Variants in ALLC observed in about 807,000 individuals in gnomAD.
ALLC encodes the protein probable inactive allantoicase.
A neutral mutation model predicts 45.0 loss-of-function variants in ALLC; 40 were observed. That is an observed-to-expected ratio of 0.89 (90% confidence interval 0.69 to 1.16). The LOEUF (loss-of-function observed/expected upper bound fraction) is 1.16. Among genes scored for constraint, ALLC ranks in the 50% most tolerant of loss-of-function variants. The pLI is 0.00. For synonymous variants in ALLC, 176 were observed against 178.1 expected (o/e 0.99, Z 0.09); for missense variants, 488 against 493.1 (o/e 0.99, Z 0.10).
intron 1 of ALLC, among the ~76,000 whole-genome samples, chr2:3,664,337 C>T (rs1410081869): frequency 6.6e-6 from 1 of 152,164 alleles, no homozygotes; most frequent in Non-Finnish European, 1.5e-5. Flanking sequence ...GCGTTTATCT[C>T]AAGGTAACAC....
intron 7 of ALLC, among the ~76,000 whole-genome samples, chr2:3,694,148 G>T (rs976443333): frequency 6.6e-6 from 1 of 152,238 alleles, no homozygotes; most frequent in Non-Finnish European, 1.5e-5. Flanking sequence ...TTCACGAGTT[G>T]AGGGAGGGTC....
chr2:3,699,308 T>C (rs1041482240), intron 10 of ALLC, among the ~76,000 whole-genome samples: 3 of 152,214 alleles, frequency 2.0e-5, no homozygotes, highest in Non-Finnish European at 4.4e-5. Context: ...TCCAGCTGCA[T>C]CCATGTTGCT....
At chr2:3,682,746 C>G (rs545864745) in intron 6 of ALLC, among the ~76,000 whole-genome samples, 196 bp from the exon 7 acceptor site, 2 of 152,244 alleles carry the variant, frequency 1.3e-5, no homozygotes, top group East Asian at 1.9e-4. Context: ...AGGATGGTCT[C>G]GATCTCCTGA....
chr2:3,702,461 G>A lies in ALLC; in HGVS notation c.1074G>A (p.Val358=), dbSNP rs1425978925. The change falls in exon 12 of 12, where the codon GTG becomes GTA. Residue 358 remains valine, a synonymous_variant. Transcript: ENST00000252505. Reference sequence around the variant, plus strand: ...TCACCATCGTCCCCGACGGGGGAGTGAGCCGCCTTCGGCTCCGGGGCTTCC... The same window carrying A: ...TCACCATCGTCCCCGACGGGGGAGTAAGCCGCCTTCGGCTCCGGGGCTTCC... ...ARLTIVPDGG[V]SRLRLRGFPS... 1.2e-6 allele frequency: 2 copies of A among 1,612,578 alleles called. No individual in the cohort carries two copies. Among genetic ancestry groups the A allele is most frequent in the Admixed American group, 3.3e-5 (2 of 59,950 alleles).
At chr2:3,684,699 C>T (rs1013012746) in intron 7 of ALLC, among the ~76,000 whole-genome samples, 3 of 152,156 alleles carry the variant, frequency 2.0e-5, no homozygotes, top group Non-Finnish European at 4.4e-5. Flanking sequence ...TGGTCTCCAA[C>T]TCCATCCAGG....
At chr2:3,653,059 T>G in the ALLC span, among the ~76,000 whole-genome samples, 1 of 152,256 alleles carries the variant, frequency 6.6e-6, no homozygotes, top group Non-Finnish European at 1.5e-5. The surrounding 1 kb of genome is among the most constrained non-coding windows in gnomAD (Gnocchi z 4.1). Flanking sequence ...GAGGCCTGTC[T>G]GCAGCCTGCA....
intron 7 of ALLC, among the ~76,000 whole-genome samples, chr2:3,684,040 T>C (rs1667264593): frequency 1.3e-5 from 2 of 152,260 alleles, no homozygotes; most frequent in African/African-American, 4.8e-5. Flanking sequence ...TTTTGAACAA[T>C]GCTGCTGTAA....
At chr2:3,683,199 G>A (rs987183305) in intron 7 of ALLC, 125 bp downstream of exon 7, 12 of 1,098,970 alleles carry the variant, frequency 1.1e-5, no homozygotes, top group Non-Finnish European at 1.5e-5. Flanking sequence ...TTTCAGGATT[G>A]TAATTTCTCC....
At chr2:3,667,834 G>C (rs1254717041) in intron 1 of ALLC, among the ~76,000 whole-genome samples, 1 of 152,144 alleles carries the variant, frequency 6.6e-6, no homozygotes, top group African/African-American at 2.4e-5. Context: ...GCACAATCTC[G>C]GCTCACCGCA....
chr2:3,653,656 G>C (rs1004018833), upstream of ALLC, among the ~76,000 whole-genome samples: 2 of 151,758 alleles, frequency 1.3e-5, no homozygotes, highest in African/African-American at 4.8e-5. This position sits in a 1 kb window ranked among gnomAD's most constrained non-coding sequence, Gnocchi z 4.1. Context: ...GTACCACGAG[G>C]GTGCTGCCAG....
chr2:3,681,777 T>G, intron 6 of ALLC, 64 bp downstream of exon 6: 1 of 1,322,596 alleles, frequency 7.6e-7, no homozygotes, highest in Middle Eastern at 1.9e-4. Flanking sequence ...GAAACTGCTC[T>G]GCACACCTGG....
intron 9 of ALLC, among the ~76,000 whole-genome samples, chr2:3,696,680 T>C (rs1667682002): frequency 6.6e-6 from 1 of 152,192 alleles, no homozygotes; most frequent in African/African-American, 2.4e-5. Flanking sequence ...GAACCACTAG[T>C]TTAGCAATGT....
At chr2:3,647,059 C>G in the ALLC span, among the ~76,000 whole-genome samples, 2 of 152,100 alleles carry the variant, frequency 1.3e-5, no homozygotes, top group East Asian at 3.9e-4. Context: ...CTCCCTCAGC[C>G]CCCGCACCCC....
rs1268444176 is a variant in ALLC, at chr2:3,702,446, C to T, written c.1059C>T (p.Val353=). The T allele has an allele frequency of 3.1e-6, 5 of 1,612,854 alleles. No individual in the cohort carries two copies. The highest frequency in any genetic ancestry group is 1.7e-5 in the Admixed American group (1 of 59,968). The change falls in exon 12 of 12, where the codon GTC becomes GTT. Residue 353 remains valine, a synonymous_variant. Coordinates refer to ENST00000252505, the MANE Select transcript of ALLC (RefSeq NM_018436.4). The part of the protein sequence containing the change: ...DVITHARLTI[V]PDGGVSRLRL... ...TCACTCACGCCAGGCTCACCATCGT[C>T]CCCGACGGGGGAGTGAGCCGCCTTC...
chr2:3,677,089 G>A (rs1174105103), intron 3 of ALLC, among the ~76,000 whole-genome samples: 2 of 152,112 alleles, frequency 1.3e-5, no homozygotes, highest in African/African-American at 4.8e-5. Context: ...CACCTGACTA[G>A]TTTTTCTCTT....
rs1225531282 is a variant in ALLC at position 3,695,760 on chromosome 2, A to G, written c.555A>G (p.Lys185=). The change falls in exon 8 of 12, where the codon AAA becomes AAG. Residue 185 remains lysine, a synonymous_variant. Coordinates refer to ENST00000252505, the MANE Select transcript of ALLC (RefSeq NM_018436.4). ...TTAGAGTATTCGGTACTGGACAAAA[A>G]GACTGGACTGCAACTGACCCCAAAG... ...ARLRVFGTGQ[K]DWTATDPKEP... The G allele has an allele frequency of 1.2e-6, 2 of 1,613,940 alleles. No homozygotes were observed. The highest frequency in any genetic ancestry group is 1.7e-6 in the Non-Finnish European group (2 of 1,179,900).
At chr2:3,679,406 G>T (rs1436672405) in intron 4 of ALLC, among the ~76,000 whole-genome samples, 1 of 152,196 alleles carries the variant, frequency 6.6e-6, no homozygotes, top group Non-Finnish European at 1.5e-5. Flanking sequence ...AGAGGACAAT[G>T]AACACAGTGT....
the ALLC span, among the ~76,000 whole-genome samples, chr2:3,652,533 A>G: frequency 0.073 from 10,832 of 148,676 alleles, 454 homozygotes; most frequent in East Asian, 0.11. Flanking sequence ...CAAACAGCGT[A>G]TATCAGTTAG....
intron 7 of ALLC, among the ~76,000 whole-genome samples, chr2:3,692,793 AC>A (rs1475651300): frequency 6.6e-6 from 1 of 152,052 alleles, no homozygotes; most frequent in African/African-American, 2.4e-5. Context: ...GGGATGTCTC[AC>A]CCTCAGTGTG....
Sources: allele counts gnomAD v4.1 joint callset (sites outside exome capture counted in the v4.1 genomes callset), GRCh38; gene constraint gnomAD v4.1.1; non-coding constraint Gnocchi (gnomAD v3.1); transcripts MANE v1.5; gene names NCBI Gene and HGNC (gene_info 2026-07-23, HGNC 2026-07-21).